ZFPM2: variants seen among roughly 807,000 people sequenced by gnomAD.
ZFPM2 encodes zinc finger protein ZFPM2.
In ZFPM2, 20 loss-of-function variants were observed where a neutral mutation model predicts 98.6. The ratio of observed to expected loss-of-function variants is 0.20; its 90% CI spans 0.14 to 0.29. ZFPM2 has a LOEUF of 0.29. Ranked by LOEUF, ZFPM2 falls within the 10% of genes least tolerant of loss-of-function variation. The pLI is 1.00. For missense variants in ZFPM2, 1,310 were observed against 1,388.6 expected (o/e 0.94, Z 0.90); for synonymous variants, 518 against 502.7 (o/e 1.03, Z -0.41).
chr8:105,517,707 C>CCACACACACA (rs1554613621), intron 3 of ZFPM2, among the ~76,000 whole-genome samples: 17,432 of 124,838 alleles, frequency 0.14, 1,480 homozygotes, highest in Admixed American at 0.18. Flanking sequence ...CACACACACA[C>CCACACACACA]CACACACACA....
chr8:105,442,373 C>A (rs1301414093), intron 2 of ZFPM2, among the ~76,000 whole-genome samples: 1 of 151,854 alleles, frequency 6.6e-6, no homozygotes, highest in Non-Finnish European at 1.5e-5. Flanking sequence ...AACAAAAAAA[C>A]AACAAAAAAA....
intron 1 of ZFPM2, among the ~76,000 whole-genome samples, chr8:105,411,749 A>G (rs571026051): frequency 7.4e-4 from 113 of 151,964 alleles, no homozygotes; most frequent in Admixed American, 4.5e-3. Flanking sequence ...TTGAATTTCA[A>G]TGCCATCTCT....
intron 3 of ZFPM2, among the ~76,000 whole-genome samples, chr8:105,487,991 G>T (rs1475081722): frequency 2.6e-5 from 4 of 150,972 alleles, no homozygotes; most frequent in Non-Finnish European, 5.9e-5. Context: ...TAGTTTTACA[G>T]CAAAATTGAG....
chr8:105,684,312 T>G (rs1375661027), intron 5 of ZFPM2, among the ~76,000 whole-genome samples: 1 of 152,144 alleles, frequency 6.6e-6, no homozygotes, highest in African/African-American at 2.4e-5. Flanking sequence ...TTTACTTTTG[T>G]CATGAAAGTA....
chr8:105,540,743 CTCTT>C (rs1246736789), intron 3 of ZFPM2, among the ~76,000 whole-genome samples: 1 of 152,052 alleles, frequency 6.6e-6, no homozygotes, highest in Admixed American at 6.6e-5. Flanking sequence ...TGCATTGTCT[CTCTT>C]CTGTAGTTCT....
intron 3 of ZFPM2, among the ~76,000 whole-genome samples, chr8:105,497,732 C>A (rs1185334896): frequency 6.6e-6 from 1 of 151,988 alleles, no homozygotes; most frequent in Admixed American, 6.6e-5. Context: ...AAGGCAGAAG[C>A]TTAGTGGTCG....
At chr8:105,498,610 C>G (rs1203464432) in intron 3 of ZFPM2, among the ~76,000 whole-genome samples, 1 of 152,190 alleles carries the variant, frequency 6.6e-6, no homozygotes, top group Non-Finnish European at 1.5e-5. Context: ...AGCATCTGCT[C>G]TTAGCACAGT....
At chr8:105,457,777 T>A (rs1812620660) in intron 3 of ZFPM2, among the ~76,000 whole-genome samples, 1 of 152,174 alleles carries the variant, frequency 6.6e-6, no homozygotes, top group East Asian at 1.9e-4. Context: ...AAGCCTTCAC[T>A]TCCCAGCTAT....
chr8:105,407,652 A>C (rs1318897580), intron 1 of ZFPM2, among the ~76,000 whole-genome samples: 3 of 151,916 alleles, frequency 2.0e-5, no homozygotes, highest in Admixed American at 6.6e-5. Flanking sequence ...CATTTTTTTC[A>C]GTTCAAGTAA....
In ZFPM2 at chr8:105,792,036, A is replaced by C. The variant is rs1173793287; in HGVS notation, c.739+3112A>C. Among the ~76,000 whole-genome samples the C allele has an allele frequency of 2.6e-5, 4 of 152,192 alleles. 1 individual carries two copies. The South Asian group carries it at 8.3e-4, about 32-fold the overall frequency. ...ATCAATTTTGTTGATCCTTTCAAAA[A>C]ACCAGTTCCTGGATTCATTAATTTT... On this transcript the variant is annotated intron_variant, in intron 6 of 7. Coordinates refer to ENST00000407775, the MANE Select transcript of ZFPM2 (RefSeq NM_012082.4).
intron 5 of ZFPM2, among the ~76,000 whole-genome samples, chr8:105,717,142 AT>A (rs932995837): frequency 1.3e-5 from 2 of 152,088 alleles, no homozygotes; most frequent in African/African-American, 4.8e-5. Context: ...GTCAGCAGTT[AT>A]TACAAAACTG....
rs564621218 is a variant in ZFPM2, at chr8:105,691,564, A to G, written c.532+57207A>G. Among the ~76,000 whole-genome samples the G allele has an allele frequency of 2.0e-5, 3 of 152,140 alleles. No homozygotes were observed. The South Asian group carries it at 6.2e-4, about 32-fold the overall frequency. Reference sequence around the variant, plus strand: ...CGCCCAGCCCCAAAGAGACTTTTTGACCACCCTCACTATTTTTGACTATAC... The same window carrying G: ...CGCCCAGCCCCAAAGAGACTTTTTGGCCACCCTCACTATTTTTGACTATAC... On this transcript the variant is annotated intron_variant, in intron 5 of 7. Coordinates refer to ENST00000407775, the MANE Select transcript of ZFPM2 (RefSeq NM_012082.4).
At chr8:105,385,366 C>A (rs148867614) in intron 1 of ZFPM2, among the ~76,000 whole-genome samples, 342 of 152,302 alleles carry the variant, frequency 2.2e-3, no homozygotes, top group Non-Finnish European at 3.0e-3. Context: ...TTCTCTTGAG[C>A]AACTACTTTA....
chr8:105,799,388 T>G (rs930505450), intron 7 of ZFPM2, among the ~76,000 whole-genome samples: 2 of 152,210 alleles, frequency 1.3e-5, no homozygotes, highest in African/African-American at 4.8e-5. Context: ...TAGATCTAAT[T>G]AAAATTACAG....
chr8:105,503,762 A>G (rs559997933), intron 3 of ZFPM2, among the ~76,000 whole-genome samples: 3 of 152,338 alleles, frequency 2.0e-5, no homozygotes, highest in Non-Finnish European at 4.4e-5. Flanking sequence ...ATAAAGTCTT[A>G]TTTAAGCTAT....
At chr8:105,622,696 A>G (rs936606213) in intron 4 of ZFPM2, among the ~76,000 whole-genome samples, 4 of 152,136 alleles carry the variant, frequency 2.6e-5, no homozygotes, top group Non-Finnish European at 5.9e-5. Context: ...GTCACTCCCA[A>G]GGAAAGCAAG....
intron 4 of ZFPM2, among the ~76,000 whole-genome samples, chr8:105,626,035 A>C (rs560144660): frequency 1.3e-5 from 2 of 152,120 alleles, no homozygotes; most frequent in East Asian, 3.9e-4. Flanking sequence ...AGAAAGAAAG[A>C]AAGCTCTTTT....
chr8:105,555,917 AAGG>A (rs374158218), intron 3 of ZFPM2, among the ~76,000 whole-genome samples: 3 of 152,260 alleles, frequency 2.0e-5, no homozygotes, highest in African/African-American at 7.2e-5. Flanking sequence ...GGAGGAATGG[AAGG>A]AGAAGAAGGC....
chr8:105,384,830 C>T (rs1414783420), intron 1 of ZFPM2, among the ~76,000 whole-genome samples: 2 of 152,048 alleles, frequency 1.3e-5, no homozygotes, highest in Non-Finnish European at 2.9e-5. Flanking sequence ...GTTTCTGTCA[C>T]CTGGGAAATA....
Sources: allele counts gnomAD v4.1 joint callset (sites outside exome capture counted in the v4.1 genomes callset), GRCh38; gene constraint gnomAD v4.1.1; transcripts MANE v1.5; gene names NCBI Gene and HGNC (gene_info 2026-07-23, HGNC 2026-07-21).